Variants in SND1 observed in about 807,000 individuals in gnomAD.
SND1 encodes staphylococcal nuclease and tudor domain containing 1.
Under a neutral mutation model 121.7 loss-of-function variants are expected in SND1, and 38 were observed. The observed-to-expected ratio is 0.31, with a 90% CI of 0.24 to 0.41. SND1 has a LOEUF of 0.41. Among genes scored for constraint, SND1 ranks in the 10% least tolerant of loss-of-function variants. The pLI is 1.00. For synonymous variants in SND1, 401 were observed against 447.4 expected, an observed-to-expected ratio of 0.90 and a Z score of 1.31; for missense variants, 868 against 1,184.6, an observed-to-expected ratio of 0.73 and a Z score of 3.92.
At chr7:127,701,064 C>T (rs1027462107) in intron 4 of SND1, 99 bp from the exon 5 acceptor site, 13 of 1,327,490 alleles carry the variant, frequency 9.8e-6, no homozygotes, top group Admixed American at 2.0e-5. Flanking sequence ...CCTTTGTTGT[C>T]TTCAAGGGGT....
chr7:127,754,096 A>G (rs1223616083), intron 10 of SND1, among the ~76,000 whole-genome samples: 1 of 152,242 alleles, frequency 6.6e-6, no homozygotes, highest in African/African-American at 2.4e-5. Context: ...AAGATAGAAC[A>G]GATATTAGAC....
At chr7:127,912,871 G>T (rs949666587) in intron 14 of SND1, among the ~76,000 whole-genome samples, 3 of 152,136 alleles carry the variant, frequency 2.0e-5, no homozygotes, top group Non-Finnish European at 4.4e-5. Context: ...TAATTTGGTT[G>T]TGAAAGTTCT....
intron 17 of SND1, among the ~76,000 whole-genome samples, chr7:128,079,264 G>A (rs1040105419): frequency 1.3e-5 from 2 of 152,256 alleles, no homozygotes; most frequent in Non-Finnish European, 2.9e-5. Context: ...CCTTTCACAG[G>A]GAAGCCCACA....
chr7:128,004,486 G>T (rs897083078), intron 16 of SND1, among the ~76,000 whole-genome samples: 6 of 152,212 alleles, frequency 3.9e-5, no homozygotes, highest in Non-Finnish European at 7.3e-5. Context: ...ATCTGACCAT[G>T]ATGTTCCCCA....
chr7:128,054,772 C>G (rs1396114150), intron 16 of SND1, among the ~76,000 whole-genome samples: 1 of 152,216 alleles, frequency 6.6e-6, no homozygotes, highest in African/African-American at 2.4e-5. Flanking sequence ...AATCATTTCC[C>G]AAGCTCACCT....
At chr7:127,888,979 A>G (rs779880395) in intron 13 of SND1, among the ~76,000 whole-genome samples, 2 of 152,138 alleles carry the variant, frequency 1.3e-5, no homozygotes, top group Non-Finnish European at 2.9e-5. Context: ...TTGCCCTGAT[A>G]TGTGACATTT....
chr7:127,834,451 A>T (rs1798828372), intron 11 of SND1, among the ~76,000 whole-genome samples: 1 of 152,186 alleles, frequency 6.6e-6, no homozygotes. Context: ...CAATGACTGT[A>T]AATCAAGAGA....
At chr7:127,967,622 A>G (rs1267156085) in intron 15 of SND1, among the ~76,000 whole-genome samples, 1 of 151,166 alleles carries the variant, frequency 6.6e-6, no homozygotes, top group East Asian at 1.9e-4. Flanking sequence ...GCTTATCCTC[A>G]CTCCTGCCAT....
chr7:128,039,723 T>C (rs1792815397), intron 16 of SND1, among the ~76,000 whole-genome samples: 2 of 152,188 alleles, frequency 1.3e-5, no homozygotes, highest in African/African-American at 4.8e-5. Context: ...CATTTTCAAA[T>C]TGGCTAAAGT....
chr7:128,074,497 C>T lies in SND1; in HGVS notation c.1780-5C>T. On this transcript the variant is annotated splice_region_variant and splice_polypyrimidine_tract_variant and intron_variant, in intron 16 of 23. Transcript: ENST00000354725. The stretch of plus-strand genomic sequence containing the variant: ...CACAGGCTTACGCCTGTCTCTCTGT[C>T]CCAGGTGGAGGTGGAGGTGGAGAGC... The T allele has an allele frequency of 6.2e-7, 1 of 1,608,514 alleles. No homozygotes were observed. The highest frequency in any genetic ancestry group is 8.5e-7 in the Non-Finnish European group (1 of 1,176,340).
intron 16 of SND1, among the ~76,000 whole-genome samples, chr7:128,053,669 C>T (rs1354228663): frequency 1.3e-5 from 2 of 151,860 alleles, no homozygotes; most frequent in Non-Finnish European, 2.9e-5. Context: ...CTTACAAAAC[C>T]CACAAGCAGA....
At chr7:127,898,932 T>G (rs994931761) in intron 13 of SND1, among the ~76,000 whole-genome samples, 2 of 152,154 alleles carry the variant, frequency 1.3e-5, no homozygotes, top group African/African-American at 4.8e-5. Context: ...CATGAAACTG[T>G]GTATCTGGGA....
chr7:127,852,710 T>C (rs1355313603), intron 12 of SND1, among the ~76,000 whole-genome samples: 1 of 151,198 alleles, frequency 6.6e-6, no homozygotes, highest in Non-Finnish European at 1.5e-5. Context: ...GCTCAAGAGG[T>C]TGAGGTGGTA....
At chr7:127,830,104 C>T (rs193181450) in intron 11 of SND1, among the ~76,000 whole-genome samples, 4 of 151,366 alleles carry the variant, frequency 2.6e-5, no homozygotes, top group East Asian at 2.0e-4. Context: ...CCTTGGTGGC[C>T]GGGTGCGGTG....
intron 16 of SND1, among the ~76,000 whole-genome samples, chr7:128,040,462 AAAAAG>A: frequency 6.7e-6 from 1 of 149,170 alleles, no homozygotes; most frequent in Non-Finnish European, 1.5e-5. Context: ...AAAAAAAAAA[AAAAAG>A]ACATGGTTTG....
At chr7:127,718,641 T>C in intron 9 of SND1, 3 of 985,358 alleles carry the variant, frequency 3.0e-6, no homozygotes, top group Non-Finnish European at 3.6e-6. Flanking sequence ...GCCTAAAATT[T>C]ACAGCTCTAA....
At chr7:128,022,204 C>CA (rs58371490) in intron 16 of SND1, among the ~76,000 whole-genome samples, 11,399 of 73,632 alleles carry the variant, frequency 0.15, 899 homozygotes, top group South Asian at 0.23. Context: ...GACTCTCTCT[C>CA]AAAAAAAAAA....
rs563522424 is a variant in SND1, at chr7:128,035,349, AAAGTT to A, written c.1780-39148_1780-39144del. Among the ~76,000 whole-genome samples, 51 of 152,366 alleles carry A rather than the reference AAAGTT, an allele frequency of 3.3e-4. 1 individual carries two copies. In the South Asian group the frequency reaches 0.01, roughly 31 times the overall value. On this transcript the variant is annotated intron_variant, in intron 16 of 23. Transcript: ENST00000354725. Reference sequence around the variant, plus strand: ...TAGCCAAGTCTTGGAAATGGGCCACAAAGTTAAGTGAGAATGCTTTCTTCATTTAA... The same window carrying A: ...TAGCCAAGTCTTGGAAATGGGCCACAAAGTGAGAATGCTTTCTTCATTTAA...
intron 1 of SND1, among the ~76,000 whole-genome samples, chr7:127,665,692 G>A (rs1459225340): frequency 6.6e-6 from 1 of 152,120 alleles, no homozygotes; most frequent in Admixed American, 6.5e-5. Flanking sequence ...GAGCGATTTA[G>A]AGGTATTTGT....
Sources: allele counts gnomAD v4.1 joint callset (sites outside exome capture counted in the v4.1 genomes callset), GRCh38; gene constraint gnomAD v4.1.1; transcripts MANE v1.5; gene names NCBI Gene and HGNC (gene_info 2026-07-23, HGNC 2026-07-21).